PALLD: variants seen among roughly 807,000 people sequenced by gnomAD.
The protein encoded by PALLD is palladin, cytoskeletal associated protein.
Under a neutral mutation model 123.5 loss-of-function variants are expected in PALLD, and 61 were observed. The ratio of observed to expected loss-of-function variants is 0.49; its 90% CI spans 0.40 to 0.61. The LOEUF (loss-of-function observed/expected upper bound fraction) is 0.61. Among genes scored for constraint, PALLD ranks in the 20% least tolerant of loss-of-function variants. The pLI, the probability that PALLD is intolerant of heterozygous loss-of-function variation, is 0.00. For synonymous variants in PALLD, 465 were observed against 496.4 expected (o/e 0.94, Z 0.84); for missense variants, 1,273 against 1,377.0 (o/e 0.92, Z 1.20).
chr4:168,598,317 C>G, intron 2 of PALLD: 1 of 451,466 alleles, frequency 2.2e-6, no homozygotes, highest in East Asian at 6.3e-5. Flanking sequence ...TCATTGTCTT[C>G]TGGGTTTGGT....
intron 10 of PALLD, among the ~76,000 whole-genome samples, chr4:168,761,661 T>TTGTTG (rs1732931890): frequency 1.5e-5 from 2 of 137,032 alleles, no homozygotes; most frequent in Non-Finnish European, 3.1e-5. Flanking sequence ...TTTTTTTTTT[T>TTGTTG]TTTTTTTTTT....
At chr4:168,707,974 C>T (rs1032174463) in intron 8 of PALLD, among the ~76,000 whole-genome samples, 2 of 152,206 alleles carry the variant, frequency 1.3e-5, no homozygotes, top group Non-Finnish European at 1.5e-5. Flanking sequence ...AGCATTTGCT[C>T]TGTGCCAGGC....
chr4:168,817,688 A>G (rs541479413), intron 10 of PALLD, among the ~76,000 whole-genome samples: 1 of 152,322 alleles, frequency 6.6e-6, no homozygotes, highest in East Asian at 1.9e-4. Context: ...AGAATTTCAG[A>G]TACTCCTAAA....
chr4:168,832,508 G>A (rs1019620370), intron 10 of PALLD, among the ~76,000 whole-genome samples: 7 of 152,130 alleles, frequency 4.6e-5, no homozygotes, highest in African/African-American at 1.7e-4. Flanking sequence ...CACCCCCACG[G>A]CCCCCCGCCC....
chr4:168,897,003 G>GT (rs1173522459), intron 13 of PALLD, among the ~76,000 whole-genome samples: 1 of 151,970 alleles, frequency 6.6e-6, no homozygotes, highest in Non-Finnish European at 1.5e-5. Context: ...GGCTAATTTT[G>GT]TATTTTTAGC....
Position 168,844,100 on chromosome 4 carries a change from C to CTT in PALLD, c.1965-46821_1965-46820dup, listed in dbSNP as rs1746448269. The stretch of plus-strand genomic sequence containing the variant: ...GTTGTCTATCTACTCTGAATCCCTA[C>CTT]TTAGGAGGAAAGTCACGTATCTGGT... On this transcript the variant is annotated intron_variant, in intron 10 of 21. Transcript: ENST00000505667. The surrounding 1 kb of genome is among the most constrained non-coding windows in gnomAD (Gnocchi z 4.5). 1 of 152,192 alleles carries CTT rather than the reference C, an allele frequency of 6.6e-6. No individual in the cohort carries two copies. The highest frequency in any genetic ancestry group is 2.4e-5 in the African/African-American group (1 of 41,456). 9.4% of individuals were successfully genotyped at this position (152,192 alleles called of 1,614,324 possible).
At chr4:168,788,881 T>C (rs1737121509) in intron 10 of PALLD, among the ~76,000 whole-genome samples, 1 of 151,982 alleles carries the variant, frequency 6.6e-6, no homozygotes, top group African/African-American at 2.4e-5. Flanking sequence ...AATGAATGAG[T>C]AAAGCATGAT....
intron 2 of PALLD, among the ~76,000 whole-genome samples, chr4:168,603,051 G>C (rs1772830867): frequency 6.6e-6 from 1 of 152,114 alleles, no homozygotes; most frequent in Non-Finnish European, 1.5e-5. Flanking sequence ...TATAATGTGA[G>C]CCATCATACC....
At chr4:168,818,329 G>C (rs1383882091) in intron 10 of PALLD, among the ~76,000 whole-genome samples, 1 of 152,050 alleles carries the variant, frequency 6.6e-6, no homozygotes, top group Non-Finnish European at 1.5e-5. Flanking sequence ...TGGGTGTGCT[G>C]GCTCACGCCT....
chr4:168,543,588 G>A (rs1765856959), intron 2 of PALLD, among the ~76,000 whole-genome samples: 2 of 151,988 alleles, frequency 1.3e-5, no homozygotes, highest in Admixed American at 6.6e-5. Flanking sequence ...AAATGAAAAT[G>A]AGCTAAATGT....
At chr4:168,792,500 G>A (rs1291227701) in intron 10 of PALLD, among the ~76,000 whole-genome samples, 3 of 151,806 alleles carry the variant, frequency 2.0e-5, no homozygotes, top group African/African-American at 7.2e-5. Context: ...CCAAAATCTT[G>A]GCATCCTTAA....
chr4:168,563,915 T>C (rs904632808), intron 2 of PALLD, among the ~76,000 whole-genome samples: 5 of 152,198 alleles, frequency 3.3e-5, no homozygotes, highest in African/African-American at 1.2e-4. Context: ...GTGACATGCA[T>C]AGATTTTGTA....
chr4:168,880,757 T>G (rs187075299), intron 10 of PALLD, among the ~76,000 whole-genome samples: 2 of 152,354 alleles, frequency 1.3e-5, no homozygotes, highest in Admixed American at 6.5e-5. Context: ...GTGTTATTTC[T>G]TTAGCTGGAT....
At chr4:168,626,163 G>T (rs934800499) in intron 2 of PALLD, among the ~76,000 whole-genome samples, 1 of 151,980 alleles carries the variant, frequency 6.6e-6, no homozygotes, top group African/African-American at 2.4e-5. Context: ...CACTTTGGGA[G>T]GCCGAAGCAG....
At chr4:168,766,632 C>G (rs981724413) in intron 10 of PALLD, among the ~76,000 whole-genome samples, 1 of 152,102 alleles carries the variant, frequency 6.6e-6, no homozygotes, top group Admixed American at 6.5e-5. Flanking sequence ...CAGCATAATG[C>G]GGGGGAAAGA....
intron 10 of PALLD, among the ~76,000 whole-genome samples, chr4:168,786,241 T>A (rs1344971262): frequency 6.6e-6 from 1 of 151,854 alleles, no homozygotes; most frequent in Admixed American, 6.6e-5. Context: ...GGCAGGAGAA[T>A]CGCTTGAACC....
At position 168,915,989 on chromosome 4, in the gene PALLD, A is replaced by T. The variant is rs1171944020; in HGVS notation, c.2812A>T (p.Thr938Ser). 3 of 1,613,966 alleles carry T rather than the reference A, an allele frequency of 1.9e-6. No homozygotes were observed. Among genetic ancestry groups the T allele is most frequent in the Middle Eastern group, 1.6e-4 (1 of 6,062 alleles). Residue 938 changes from threonine (T) to serine (S), a missense_variant, in exon 17 of 22, where the codon ACT (threonine) becomes TCT (serine). Transcript: ENST00000505667. The part of the protein sequence containing the change: ...PHFLQAPGDL[T>S]VQEGKLCRMD... ...CTTCTTGCAGGCTCCTGGAGATCTG[A>T]CTGTTCAAGAAGGAAAACTCTGCAG...
chr4:168,874,675 G>C (rs914382125), intron 10 of PALLD, among the ~76,000 whole-genome samples: 1 of 151,956 alleles, frequency 6.6e-6, no homozygotes, highest in Non-Finnish European at 1.5e-5. Context: ...CACATTGAAG[G>C]TCAGGGTCCT....
At chr4:168,799,003 A>G (rs548206021) in intron 10 of PALLD, among the ~76,000 whole-genome samples, 34 of 152,370 alleles carry the variant, frequency 2.2e-4, no homozygotes, top group Non-Finnish European at 3.8e-4. Context: ...CAGCAGATTC[A>G]GAGAGACTCC....
Sources: allele counts gnomAD v4.1 joint callset (sites outside exome capture counted in the v4.1 genomes callset), GRCh38; gene constraint gnomAD v4.1.1; non-coding constraint Gnocchi (gnomAD v3.1); transcripts MANE v1.5; gene names NCBI Gene and HGNC (gene_info 2026-07-23, HGNC 2026-07-21).